SPTBN1: variants seen among roughly 807,000 people sequenced by gnomAD.
SPTBN1 encodes spectrin beta, non-erythrocytic 1.
Under a neutral mutation model 266.4 loss-of-function variants are expected in SPTBN1, and 32 were observed. The ratio of observed to expected loss-of-function variants is 0.12; its 90% CI spans 0.09 to 0.16. The LOEUF is 0.16. Among genes scored for constraint, SPTBN1 ranks in the 10% least tolerant of loss-of-function variants. SPTBN1 has a pLI of 1.00. For synonymous variants in SPTBN1, 1,336 were observed against 1,162.2 expected, an observed-to-expected ratio of 1.15 and a Z score of -3.04; for missense variants, 2,296 against 3,067.1, an observed-to-expected ratio of 0.75 and a Z score of 5.94.
At chr2:54,464,314 A>G (rs534445358) in intron 1 of SPTBN1, among the ~76,000 whole-genome samples, 3 of 152,242 alleles carry the variant, frequency 2.0e-5, no homozygotes, top group Non-Finnish European at 4.4e-5. Flanking sequence ...TTATGGCGCA[A>G]CTGTAGGGTG....
chr2:54,668,679 G>GT lies in SPTBN1; in HGVS notation c.*110_*111insT. 6 of 507,056 alleles carry GT rather than the reference G, an allele frequency of 1.2e-5. No homozygotes were observed. The highest frequency in any genetic ancestry group is 4.6e-5 in the Admixed American group (1 of 21,844). The allele number at this position is 507,056 out of a possible 1,614,324, so 31.4% of individuals were successfully genotyped here. A position where few individuals can be genotyped will look rare whatever the true frequency, so the allele number is the denominator to read the frequency against. ...GTGCCTAATGTTCCTCAATGTGGTT[G>GT]ATTTTTTTTTTTTTTTAATTTATAG... On this transcript the variant is annotated 3_prime_UTR_variant, in exon 36 of 36. Coordinates refer to ENST00000356805, the MANE Select transcript of SPTBN1 (RefSeq NM_003128.3).
At chr2:54,633,762 G>A (rs913733861) in intron 17 of SPTBN1, among the ~76,000 whole-genome samples, 1 of 152,184 alleles carries the variant, frequency 6.6e-6, no homozygotes, top group Non-Finnish European at 1.5e-5. Flanking sequence ...ACATCTGAGA[G>A]GGTTTCCTGG....
intron 32 of SPTBN1, 37 bp downstream of exon 32, chr2:54,660,036 A>G: frequency 6.2e-7 from 1 of 1,614,160 alleles, no homozygotes. Context: ...AAACTACAAA[A>G]ACTTTAATAG....
intron 2 of SPTBN1, among the ~76,000 whole-genome samples, chr2:54,565,816 A>T (rs1487797615): frequency 6.6e-6 from 1 of 152,220 alleles, no homozygotes; most frequent in African/African-American, 2.4e-5. Context: ...AATGTGAAGG[A>T]TGGCTGTTGT....
At position 54,626,178 on chromosome 2, in the gene SPTBN1, C is replaced by A. The variant is rs1478025135; in HGVS notation, c.1588C>A (p.Leu530Met). Residue 530 changes from leucine to methionine, a missense_variant, in exon 12 of 36, where the codon CTG (leucine) becomes ATG (methionine). Around this residue, in one of 12 missense-constraint regions of SPTBN1, gnomAD observed 434 missense variants for 573.9 expected, o/e 0.76. Transcript: ENST00000356805. The surrounding 1 kb of genome is among the most constrained non-coding windows in gnomAD (Gnocchi z 4.7). Reference sequence around the variant, plus strand: ...ACAGCGGCTCGAGATGAACCTGGGGCTGCAGAAGATATTCCAGGAAATGCT... The same window carrying A: ...ACAGCGGCTCGAGATGAACCTGGGGATGCAGAAGATATTCCAGGAAATGCT... ...RRQRLEMNLG[L>M]QKIFQEMLYI... The A allele has an allele frequency of 1.2e-6, 2 of 1,614,038 alleles. No individual in the cohort carries two copies. The highest frequency in any genetic ancestry group is 1.7e-6 in the Non-Finnish European group (2 of 1,180,046).
intron 2 of SPTBN1, among the ~76,000 whole-genome samples, chr2:54,550,259 C>G (rs1226851088): frequency 6.6e-6 from 1 of 152,170 alleles, no homozygotes; most frequent in Admixed American, 6.5e-5. Flanking sequence ...CTGGGCTGTC[C>G]ATGAATTATT....
intron 2 of SPTBN1, among the ~76,000 whole-genome samples, chr2:54,566,841 A>G (rs1673697510): frequency 6.6e-6 from 1 of 152,108 alleles, no homozygotes; most frequent in South Asian, 2.1e-4. Context: ...AAAAAAAAAA[A>G]GTTTGATGAT....
intron 2 of SPTBN1, among the ~76,000 whole-genome samples, chr2:54,577,494 A>T (rs1674572740): frequency 6.6e-6 from 1 of 152,206 alleles, no homozygotes; most frequent in Non-Finnish European, 1.5e-5. Flanking sequence ...GAGAGAAGGA[A>T]AGTAGGTCCC....
At chr2:54,498,182 G>GT (rs1669067452) in intron 1 of SPTBN1, among the ~76,000 whole-genome samples, 1 of 152,226 alleles carries the variant, frequency 6.6e-6, no homozygotes, top group Non-Finnish European at 1.5e-5. Context: ...GGCAGCAAGA[G>GT]AGTAGCAGCT....
intron 17 of SPTBN1, among the ~76,000 whole-genome samples, chr2:54,633,042 T>A (rs1678862067): frequency 6.6e-6 from 1 of 151,274 alleles, no homozygotes; most frequent in Non-Finnish European, 1.5e-5. Flanking sequence ...GTAAGAGCCG[T>A]AGTGCTGCAT....
intron 2 of SPTBN1, among the ~76,000 whole-genome samples, chr2:54,530,446 C>A (rs766714863): frequency 7.2e-6 from 1 of 138,688 alleles, no homozygotes; most frequent in Non-Finnish European, 1.5e-5. Context: ...GCAAGCTCCA[C>A]CTCCTGGCTT....
chr2:54,535,629 A>T (rs1671552433), intron 2 of SPTBN1, among the ~76,000 whole-genome samples: 2 of 152,226 alleles, frequency 1.3e-5, no homozygotes, highest in Admixed American at 6.5e-5. Context: ...GATTAGAGAG[A>T]AAGAGCAGAA....
At chr2:54,603,431 G>C (rs932040864) in intron 3 of SPTBN1, among the ~76,000 whole-genome samples, 5 of 152,120 alleles carry the variant, frequency 3.3e-5, no homozygotes, top group Non-Finnish European at 7.4e-5. Context: ...AATGAAGTGG[G>C]CAACCTCTGC....
At chr2:54,470,448 T>C (rs1184700898) in intron 1 of SPTBN1, among the ~76,000 whole-genome samples, 2 of 152,224 alleles carry the variant, frequency 1.3e-5, no homozygotes, top group Non-Finnish European at 2.9e-5. Flanking sequence ...TGGTATTTCA[T>C]GTAAAGAGTG....
intron 1 of SPTBN1, among the ~76,000 whole-genome samples, chr2:54,504,014 A>G: frequency 6.6e-6 from 1 of 152,176 alleles, no homozygotes; most frequent in East Asian, 1.9e-4. Context: ...CCCCCACACT[A>G]TATTAGGAAT....
At chr2:54,630,834 T>C (rs1400390725) in intron 15 of SPTBN1, 21 bp from the exon 16 acceptor site, 2 of 1,541,328 alleles carry the variant, frequency 1.3e-6, no homozygotes, top group Non-Finnish European at 1.7e-6. Context: ...TCACACTCGC[T>C]GTCTGCCCCT....
At position 54,629,569 on chromosome 2, in the gene SPTBN1, A is replaced by G; in HGVS notation, c.2435A>G (p.Gln812Arg). The G allele has an allele frequency of 5.6e-6, 9 of 1,614,094 alleles. No homozygotes were observed. The highest frequency in any genetic ancestry group is 7.6e-6 in the Non-Finnish European group (9 of 1,180,030). The part of the protein sequence containing the change: ...TLHEQASALP[Q>R]EHAESPDVRG... ...CACGAACAAGCCAGCGCCCTCCCCC[A>G]GGAGCATGCCGAGTCTCCAGACGTG... The change falls in exon 14 of 36, where the codon CAG (glutamine) becomes CGG (arginine). Residue 812 changes from glutamine (Q) to arginine (R), a missense_variant. This residue lies in a region of SPTBN1 where 434 missense variants were observed against 573.9 expected (regional missense o/e 0.76). Coordinates refer to ENST00000356805, the MANE Select transcript of SPTBN1 (RefSeq NM_003128.3).
In SPTBN1 at chr2:54,626,554, T is replaced by G. The variant is rs1177613730; in HGVS notation, c.1644+320T>G. 6.6e-6 allele frequency among the ~76,000 whole-genome samples: 1 copy of G among 152,200 alleles called. No homozygotes were observed. The highest frequency in any genetic ancestry group is 1.5e-5 in the Non-Finnish European group (1 of 68,034). ...TTCAGGGTTAAACTAACTTACCGTT[T>G]CATTGATCTGTGAGTGAGTGGTACT... On this transcript the variant is annotated intron_variant, in intron 12 of 35. Transcript: ENST00000356805. The surrounding 1 kb of genome is among the most constrained non-coding windows in gnomAD (Gnocchi z 4.7).
intron 3 of SPTBN1, among the ~76,000 whole-genome samples, chr2:54,608,823 C>CTG (rs1677028149): frequency 6.6e-6 from 1 of 152,122 alleles, no homozygotes; most frequent in South Asian, 2.1e-4. Context: ...TAATAGCCTA[C>CTG]TGTTGTCTTA....
Sources: allele counts gnomAD v4.1 joint callset (sites outside exome capture counted in the v4.1 genomes callset), GRCh38; gene constraint gnomAD v4.1.1; regional missense constraint gnomAD v4.1.1; non-coding constraint Gnocchi (gnomAD v3.1); transcripts MANE v1.5; gene names NCBI Gene and HGNC (gene_info 2026-07-23, HGNC 2026-07-21).